Variants in ZFAT observed in about 807,000 individuals in gnomAD.
ZFAT encodes zinc finger protein ZFAT.
Under a neutral mutation model 117.7 loss-of-function variants are expected in ZFAT, and 64 were observed. That is an observed-to-expected ratio of 0.54 (90% CI 0.44 to 0.67). ZFAT has a LOEUF of 0.67. ZFAT is among the 30% of genes least tolerant of loss of function. ZFAT has a pLI of 0.00. For missense variants in ZFAT, 1,433 were observed against 1,584.5 expected (o/e 0.90, Z 1.62); for synonymous variants, 679 against 615.0 (o/e 1.10, Z -1.54).
intron 3 of ZFAT, among the ~76,000 whole-genome samples, chr8:134,623,281 A>C (rs575277519): frequency 1.2e-4 from 18 of 152,292 alleles, no homozygotes; most frequent in African/African-American, 4.1e-4. Context: ...CCTTCAAGGT[A>C]GCCTTCCCTG....
chr8:134,724,869 C>T, the ZFAT span, among the ~76,000 whole-genome samples: 1 of 152,122 alleles, frequency 6.6e-6, no homozygotes, highest in Admixed American at 6.5e-5. Flanking sequence ...AGCGCTTCTC[C>T]CTTTGCGAAC....
At chr8:134,819,873 A>G in the ZFAT span, among the ~76,000 whole-genome samples, 4 of 152,108 alleles carry the variant, frequency 2.6e-5, no homozygotes, top group Admixed American at 6.5e-5. Context: ...GGGGGAAGAA[A>G]AAAAAAAAGA....
the ZFAT span, among the ~76,000 whole-genome samples, chr8:134,777,585 T>C: frequency 1.3e-5 from 2 of 152,220 alleles, no homozygotes; most frequent in African/African-American, 2.4e-5. Flanking sequence ...AAATGCCTAA[T>C]GGTGTTCTGG....
chr8:134,798,726 CAAG>C, the ZFAT span, among the ~76,000 whole-genome samples: 27 of 151,780 alleles, frequency 1.8e-4, no homozygotes, highest in Non-Finnish European at 3.1e-4. Context: ...GGCCATTAAA[CAAG>C]AAGAAAAAAG....
rs1339812890 is a variant in ZFAT at position 134,654,773 on chromosome 8, G to T, written c.196+2788C>A. 1.3e-5 allele frequency among the ~76,000 whole-genome samples: 2 copies of T among 152,236 alleles called. 1 individual carries two copies. The highest frequency in any genetic ancestry group is 1.3e-4 in the Admixed American group (2 of 15,288). The stretch of plus-strand genomic sequence containing the variant: ...ATTCATTCACTGGACACACACGGAA[G>T]GGGCTGTACCCTGTGTCAGGCCCCA... On this transcript the variant is annotated intron_variant, in intron 2 of 15. Transcript: ENST00000377838.
At chr8:134,617,623 G>A (rs149529759) in intron 3 of ZFAT, among the ~76,000 whole-genome samples, 11 of 152,200 alleles carry the variant, frequency 7.2e-5, no homozygotes, top group Admixed American at 4.6e-4. Context: ...GTTATCACGC[G>A]ACCATCTCAA....
chr8:134,638,549 C>A (rs368330850), intron 2 of ZFAT, among the ~76,000 whole-genome samples: 16 of 101,122 alleles, frequency 1.6e-4, no homozygotes, highest in Admixed American at 2.1e-4. Flanking sequence ...ACTAAAAATA[C>A]AAAAAAAAAA....
intron 15 of ZFAT, among the ~76,000 whole-genome samples, chr8:134,482,966 G>A (rs530952098): frequency 7.2e-4 from 109 of 152,282 alleles, no homozygotes; most frequent in Middle Eastern, 6.8e-3. Flanking sequence ...CCCTGCAGAC[G>A]CTGCCCACAC....
chr8:134,551,324 A>G (rs909225389), intron 11 of ZFAT, among the ~76,000 whole-genome samples: 1 of 152,236 alleles, frequency 6.6e-6, no homozygotes, highest in Non-Finnish European at 1.5e-5. Flanking sequence ...CGGGGATGTT[A>G]ATTACCTACC....
At chr8:134,544,508 A>G (rs1193458288) in intron 11 of ZFAT, among the ~76,000 whole-genome samples, 1 of 152,172 alleles carries the variant, frequency 6.6e-6, no homozygotes, top group African/African-American at 2.4e-5. Context: ...AGTGAAGAAA[A>G]GCCAAATAAG....
chr8:134,589,038 A>G (rs1416376758), intron 8 of ZFAT, among the ~76,000 whole-genome samples: 2 of 152,220 alleles, frequency 1.3e-5, no homozygotes, highest in Non-Finnish European at 2.9e-5. Context: ...CATGAAAAAG[A>G]GTTTGACAAA....
the ZFAT span, chr8:134,765,930 A>G: frequency 6.6e-6 from 1 of 152,236 alleles, no homozygotes; most frequent in Non-Finnish European, 1.5e-5. Context: ...ATCATTAAAC[A>G]TGACAGCTAA....
chr8:134,590,464 T>C, intron 7 of ZFAT, 109 bp from the exon 8 acceptor site: 1 of 758,228 alleles, frequency 1.3e-6, no homozygotes, highest in Non-Finnish European at 2.2e-6. Context: ...CCACTACCAC[T>C]CACGCTATCA....
intron 3 of ZFAT, 30 bp downstream of exon 3, chr8:134,637,431 T>A: frequency 6.3e-7 from 1 of 1,587,766 alleles, no homozygotes; most frequent in South Asian, 1.1e-5. Flanking sequence ...CATAAGAAAT[T>A]GACATGTTCA....
intron 7 of ZFAT, among the ~76,000 whole-genome samples, chr8:134,590,844 A>G (rs1365488217): frequency 6.6e-6 from 1 of 152,156 alleles, no homozygotes; most frequent in Admixed American, 6.6e-5. Context: ...CCTCACCATC[A>G]TCAACACTAG....
the ZFAT span, chr8:134,800,380 C>A: frequency 1.6e-5 from 6 of 386,264 alleles, no homozygotes; most frequent in Admixed American, 1.1e-4. Flanking sequence ...GCCAGCTAGA[C>A]AATTAACACA....
At chr8:134,678,103 T>G (rs1832891309) in intron 1 of ZFAT, among the ~76,000 whole-genome samples, 1 of 152,142 alleles carries the variant, frequency 6.6e-6, no homozygotes, top group Non-Finnish European at 1.5e-5. Context: ...GCCAGGGCAA[T>G]CAGGCAAGAG....
chr8:134,482,072 C>T (rs1239944411), intron 15 of ZFAT, among the ~76,000 whole-genome samples: 10 of 152,178 alleles, frequency 6.6e-5, no homozygotes, highest in East Asian at 1.9e-4. Flanking sequence ...GGCTCTGTTC[C>T]GCGCCCTCTC....
intron 11 of ZFAT, among the ~76,000 whole-genome samples, chr8:134,534,331 C>T (rs1457192064): frequency 1.3e-5 from 2 of 152,204 alleles, no homozygotes; most frequent in Non-Finnish European, 2.9e-5. Flanking sequence ...CTATTAAGAC[C>T]TCAAACACTA....
Sources: gnomAD v4.1 joint callset for allele counts (sites outside exome capture counted in the v4.1 genomes callset) on GRCh38, gnomAD v4.1.1 for gene constraint, MANE v1.5 for transcripts, NCBI Gene and HGNC (gene_info 2026-07-23, HGNC 2026-07-21) for gene names.